GNB5: variants seen among roughly 807,000 people sequenced by gnomAD.
GNB5 encodes G protein subunit beta 5.
Under a neutral mutation model 55.3 loss-of-function variants are expected in GNB5, and 37 were observed. The observed-to-expected ratio is 0.67, with a 90% confidence interval of 0.51 to 0.88. GNB5 has a LOEUF of 0.88. Ranked by LOEUF, GNB5 falls within the 40% of genes least tolerant of loss-of-function variation. The pLI is 0.00. For synonymous variants in GNB5, 219 were observed against 198.5 expected, an observed-to-expected ratio of 1.10 and a Z score of -0.87; for missense variants, 476 against 515.3, an observed-to-expected ratio of 0.92 and a Z score of 0.74.
At chr15:52,182,039 G>A (rs1370079736) in intron 2 of GNB5, among the ~76,000 whole-genome samples, 6 of 152,222 alleles carry the variant, frequency 3.9e-5, no homozygotes, top group Non-Finnish European at 8.8e-5. Flanking sequence ...ATCTAGATCT[G>A]ACTGCCTGGG....
chr15:52,137,775 C>A (rs1243632341), intron 7 of GNB5: 1 of 1,226,930 alleles, frequency 8.2e-7, no homozygotes, highest in South Asian at 1.4e-5. Context: ...CATCACAGAG[C>A]CCTGGAGCCA....
chr15:52,184,641 G>A lies in GNB5; in HGVS notation c.36C>T (p.Gly12=), dbSNP rs769771358. The change falls in exon 2 of 13, where the codon GGC becomes GGT. Residue 12 remains glycine (G), a synonymous_variant. Coordinates refer to ENST00000261837, the MANE Select transcript of GNB5 (RefSeq NM_016194.4). ...GTTGTTTGAAACATTTGTCACATGA[G>A]CCAAATACATTAACGAGAAAGGTCT... The part of the protein sequence containing the change: ...CDQTFLVNVF[G]SCDKCFKQRA... 5.0e-6 allele frequency: 8 copies of A among 1,613,146 alleles called. No individual in the cohort carries two copies. The highest frequency in any genetic ancestry group is 3.3e-5 in the Admixed American group (2 of 59,976).
At chr15:52,130,720 G>C (rs1186151242) in intron 9 of GNB5, among the ~76,000 whole-genome samples, 1 of 152,244 alleles carries the variant, frequency 6.6e-6, no homozygotes, top group African/African-American at 2.4e-5. Context: ...GGAAACCAGG[G>C]GGGCTTTCTG....
rs1338891195 is a variant in GNB5, at chr15:52,116,887, CTCAT to C, written c.*5866_*5869del. 1 of 151,454 alleles carries C rather than the reference CTCAT, an allele frequency of 6.6e-6. No individual in the cohort carries two copies. The highest frequency in any genetic ancestry group is 2.4e-5 in the African/African-American group (1 of 41,156). The allele number at this position is 151,454 out of a possible 1,614,324, so 9.4% of individuals were successfully genotyped here. A position where few individuals can be genotyped will look rare whatever the true frequency, so the allele number is the denominator to read the frequency against. ...ATTTCAAAACCATTATGTAATCCTCCTCATTTTTTCCTTTAAAAACCTTTGTTTT... is the reference window on the plus strand; with the variant it reads ...ATTTCAAAACCATTATGTAATCCTCCTTTTTCCTTTAAAAACCTTTGTTTT... On this transcript the variant is annotated 3_prime_UTR_variant, in exon 13 of 13. Coordinates refer to ENST00000261837, the MANE Select transcript of GNB5 (RefSeq NM_016194.4).
Position 52,115,464 on chromosome 15 carries a change from T to C in GNB5, c.*7293A>G, listed in dbSNP as rs2033129405. On this transcript the variant is annotated 3_prime_UTR_variant, in exon 13 of 13. Transcript: ENST00000261837. ...TCACGGGGCTGTCACAAGGATTACA[T>C]GAATCGGTATATACAAAGTGCTTAG... 6.6e-6 allele frequency: 1 copy of C among 152,228 alleles called. No homozygotes were observed. Among genetic ancestry groups the C allele is most frequent in the Non-Finnish European group, 1.5e-5 (1 of 68,040 alleles). The allele number at this position is 152,228 out of a possible 1,614,324, so 9.4% of individuals were successfully genotyped here.
chr15:52,188,740 A>C (rs1163960327), intron 1 of GNB5, among the ~76,000 whole-genome samples: 1 of 152,228 alleles, frequency 6.6e-6, no homozygotes, highest in Non-Finnish European at 1.5e-5. Flanking sequence ...ACTTTCTTTG[A>C]TATCTGTTTT....
intron 5 of GNB5, among the ~76,000 whole-genome samples, chr15:52,149,103 A>G (rs1016316079): frequency 2.0e-5 from 3 of 152,208 alleles, no homozygotes; most frequent in Non-Finnish European, 4.4e-5. Flanking sequence ...ACTCGACTCT[A>G]CAAAATGGTT....
chr15:52,162,432 T>C (rs1596090973), intron 3 of GNB5, among the ~76,000 whole-genome samples: 2 of 152,248 alleles, frequency 1.3e-5, no homozygotes, highest in East Asian at 3.9e-4. Flanking sequence ...ACAGGGTCCT[T>C]CTCATTACAT....
chr15:52,188,534 T>A (rs2034876706), intron 1 of GNB5, among the ~76,000 whole-genome samples: 1 of 152,256 alleles, frequency 6.6e-6, no homozygotes, highest in Non-Finnish European at 1.5e-5. Flanking sequence ...CAGCTAAATT[T>A]TAGTACTTTG....
At chr15:52,176,350 C>G (rs8023921) in intron 3 of GNB5, among the ~76,000 whole-genome samples, 22 of 152,306 alleles carry the variant, frequency 1.4e-4, no homozygotes, top group African/African-American at 5.3e-4. Context: ...TAAGCCTGCT[C>G]GCTCATCGCA....
chr15:52,181,641 C>T (rs1596111420), intron 2 of GNB5, among the ~76,000 whole-genome samples: 1 of 151,906 alleles, frequency 6.6e-6, no homozygotes, highest in East Asian at 1.9e-4. Flanking sequence ...AAAAACAAAA[C>T]AAAAAAAGGT....
chr15:52,139,299 A>C (rs575165082), intron 7 of GNB5, among the ~76,000 whole-genome samples: 1 of 152,226 alleles, frequency 6.6e-6, no homozygotes, highest in South Asian at 2.1e-4. Context: ...AAAATTAGCC[A>C]GGCATGGTGG....
chr15:52,124,404 G>T, intron 12 of GNB5, 69 bp downstream of exon 12: 3 of 1,292,920 alleles, frequency 2.3e-6, no homozygotes, highest in Non-Finnish European at 2.2e-6. Context: ...CCTTCCCTCT[G>T]CTTCAGAAGG....
At chr15:52,169,557 A>G (rs866797460) in intron 3 of GNB5, among the ~76,000 whole-genome samples, 9 of 150,178 alleles carry the variant, frequency 6.0e-5, no homozygotes, top group Middle Eastern at 3.2e-3. Flanking sequence ...AAAAAAAAAA[A>G]AAAAAAGAAA....
In GNB5 at chr15:52,154,000, C is replaced by A. The variant is rs1359750670; in HGVS notation, c.315G>T (p.Gly105=). Residue 105 remains glycine, a synonymous_variant, in exon 4 of 13, where the codon GGG becomes GGT. Coordinates refer to ENST00000261837, the MANE Select transcript of GNB5 (RefSeq NM_016194.4). ...MKTRRTLKGH[G]NKVLCMDWCK... ...ACCAGTCCATGCACAGGACTTTGTT[C>A]CCGTGGCCTTTGAGGGTCCTTCTGG... 1 of 1,614,148 alleles carries A rather than the reference C, an allele frequency of 6.2e-7. No individual in the cohort carries two copies. The highest frequency in any genetic ancestry group is 8.5e-7 in the Non-Finnish European group (1 of 1,179,966).
intron 3 of GNB5, among the ~76,000 whole-genome samples, chr15:52,157,766 T>C (rs1294618087): frequency 6.6e-6 from 1 of 152,076 alleles, no homozygotes; most frequent in Non-Finnish European, 1.5e-5. Context: ...TCCCAACTAT[T>C]AATTATTTTT....
intron 1 of GNB5, among the ~76,000 whole-genome samples, chr15:52,188,066 G>A (rs947777427): frequency 3.3e-5 from 5 of 152,108 alleles, no homozygotes; most frequent in Non-Finnish European, 7.4e-5. Context: ...GGCATTTTAT[G>A]TTTTCCTCTA....
chr15:52,159,367 C>T (rs984984877), intron 3 of GNB5, among the ~76,000 whole-genome samples: 3 of 152,080 alleles, frequency 2.0e-5, no homozygotes, highest in African/African-American at 4.8e-5. Context: ...CTTTGGCAGC[C>T]CCCTCTCCAG....
chr15:52,134,019 G>C (rs944574151), intron 8 of GNB5, among the ~76,000 whole-genome samples: 1 of 152,244 alleles, frequency 6.6e-6, no homozygotes, highest in Non-Finnish European at 1.5e-5. Flanking sequence ...ATGCTGGGCT[G>C]GGAATCTGCA....
Sources: allele counts gnomAD v4.1 joint callset (sites outside exome capture counted in the v4.1 genomes callset), GRCh38; gene constraint gnomAD v4.1.1; transcripts MANE v1.5; gene names NCBI Gene and HGNC (gene_info 2026-07-23, HGNC 2026-07-21).